Variants in HTR3C observed in about 807,000 individuals in gnomAD.
HTR3C encodes 5-HT3-C.
HTR3C carries 32 observed loss-of-function variants against 40.5 expected under a neutral mutation model. The observed-to-expected ratio is 0.79, with a 90% CI of 0.60 to 1.06. HTR3C has a LOEUF of 1.06. Ranked by LOEUF, HTR3C falls within the 50% of genes least tolerant of loss-of-function variation. The pLI, the probability that HTR3C is intolerant of heterozygous loss-of-function variation, is 0.00. For missense variants in HTR3C, 523 were observed against 556.8 expected (o/e 0.94, Z 0.61); for synonymous variants, 209 against 217.1 (o/e 0.96, Z 0.33).
intron 3 of HTR3C, 75 bp from the exon 4 acceptor site, chr3:184,056,102 G>C: frequency 1.1e-6 from 1 of 904,910 alleles, no homozygotes; most frequent in Middle Eastern, 2.2e-4. Flanking sequence ...GTTTAAAGAA[G>C]AATGGAAAGG....
rs1723402648 is a variant in HTR3C at position 184,059,620 on chromosome 3, C to A, written c.905C>A (p.Ala302Asp). ...FLLMMNDLLP[A>D]SGTPLISVYF... The stretch of plus-strand genomic sequence containing the variant: ...CTCATGATGAATGACTTGCTCCCTG[C>A]CAGTGGCACCCCCCTCATCAGTATG... The change falls in exon 7 of 9, where the codon GCC (alanine) becomes GAC (aspartate). Residue 302 changes from alanine to aspartate, a missense_variant. Transcript: ENST00000318351. The A allele has an allele frequency of 1.9e-6, 3 of 1,614,120 alleles. No individual in the cohort carries two copies. Among genetic ancestry groups the A allele is most frequent in the Non-Finnish European group, 2.5e-6 (3 of 1,180,016 alleles).
chr3:184,056,740 C>T (rs1723334713), intron 4 of HTR3C, 135 bp from the exon 5 acceptor site: 4 of 778,812 alleles, frequency 5.1e-6, no homozygotes, highest in Non-Finnish European at 7.6e-6. Flanking sequence ...AAGAGTGAAA[C>T]TGTCTCAAAA....
Position 184,060,437 on chromosome 3 carries a change from C to G in HTR3C, c.*85C>G. The G allele has an allele frequency of 6.5e-7, 1 of 1,529,556 alleles. No homozygotes were observed. The highest frequency in any genetic ancestry group is 9.0e-7 in the Non-Finnish European group (1 of 1,107,076). The allele number at this position is 1,529,556 out of a possible 1,614,324, so 94.7% of individuals were successfully genotyped here. A position where few individuals can be genotyped will look rare whatever the true frequency, so the allele number is the denominator to read the frequency against. On this transcript the variant is annotated 3_prime_UTR_variant, in exon 9 of 9. Transcript: ENST00000318351. ...CCGGACTCATTTTCCTAATCTTAGC[C>G]ACTTATCCCCAGTGACTACCATGTC...
intron 7 of HTR3C, 53 bp from the exon 8 acceptor site, chr3:184,059,775 G>T: frequency 6.2e-7 from 1 of 1,603,550 alleles, no homozygotes; most frequent in Non-Finnish European, 8.5e-7. Flanking sequence ...GAGGCGTGAG[G>T]AATGCTTAGA....
intron 4 of HTR3C, 34 bp downstream of exon 4, chr3:184,056,320 C>A: frequency 7.0e-7 from 1 of 1,436,164 alleles, no homozygotes; most frequent in Non-Finnish European, 9.8e-7. Flanking sequence ...CAGCGTGAAA[C>A]CTCATCTGCC....
In HTR3C at chr3:184,058,510, T is replaced by A. The variant is rs369359780; in HGVS notation, c.643T>A (p.Trp215Arg). 7.4e-6 allele frequency: 12 copies of A among 1,611,764 alleles called. No individual in the cohort carries two copies. The African/African-American group carries it at 1.6e-4, about 22-fold the overall frequency. Residue 215 changes from tryptophan (W) to arginine (R), a missense_variant, in exon 6 of 9, where the codon TGG becomes AGG. By Grantham distance (101) the Trp-to-Arg change is moderately radical. Coordinates refer to ENST00000318351, the MANE Select transcript of HTR3C (RefSeq NM_130770.3). ...CAAAGTCATCCAAACCCAGGGGGAG[T>A]GGGAGCTCTTGGGCATCAACAAGGC... ...SRKVIQTQGE[W>R]ELLGINKATP... is the part of the protein sequence containing the mutation.
At chr3:184,056,378 A>T (rs1723326466) in intron 4 of HTR3C, 92 bp downstream of exon 4, 1 of 817,414 alleles carries the variant, frequency 1.2e-6, no homozygotes, top group Admixed American at 1.8e-5. Context: ...CGAAAGATTC[A>T]GACAGGCACA....
chr3:184,055,786 T>A (rs1723310307), intron 3 of HTR3C, among the ~76,000 whole-genome samples: 1 of 149,294 alleles, frequency 6.7e-6, no homozygotes, highest in Admixed American at 6.8e-5. Context: ...AAGTATAACT[T>A]TTTCTGGGAT....
chr3:184,060,154 A>C lies in HTR3C; in HGVS notation c.1146A>C (p.Pro382=). 12 of 1,613,748 alleles carry C rather than the reference A, an allele frequency of 7.4e-6. No individual in the cohort carries two copies. Among genetic ancestry groups the C allele is most frequent in the Non-Finnish European group, 1.0e-5 (12 of 1,179,838 alleles). ...GAGCCTCTGTCCTCTCCACAGGCCC[A>C]AAGGAGCCGGGGGAGTTAGCAGGGA... The part of the protein sequence containing the change: ...LGLTLTHLPG[P]KEPGELAGKK... The change falls in exon 9 of 9, where the codon CCA becomes CCC. Residue 382 remains proline, a synonymous_variant. Coordinates refer to ENST00000318351, the MANE Select transcript of HTR3C (RefSeq NM_130770.3).
chr3:184,059,346 C>T, intron 6 of HTR3C, 90 bp from the exon 7 acceptor site: 8 of 1,200,408 alleles, frequency 6.7e-6, no homozygotes, highest in Non-Finnish European at 9.8e-6. Flanking sequence ...CCAGCAGCCT[C>T]ACAGCACATT....
At position 184,058,523 on chromosome 3, in the gene HTR3C, G is replaced by A. The variant is rs778772619; in HGVS notation, c.656G>A (p.Gly219Asp). 6.2e-7 allele frequency: 1 copy of A among 1,613,524 alleles called. No homozygotes were observed. Among genetic ancestry groups the A allele is most frequent in the Middle Eastern group, 1.7e-4 (1 of 6,060 alleles). Residue 219 changes from glycine to aspartate, a missense_variant, in exon 6 of 9, where the codon GGC becomes GAC. Gly to Asp is a moderately conservative substitution (Grantham distance 94). Coordinates refer to ENST00000318351, the MANE Select transcript of HTR3C (RefSeq NM_130770.3). ...ACCCAGGGGGAGTGGGAGCTCTTGG[G>A]CATCAACAAGGCCACCCCAAAGATG... is the stretch of plus-strand genomic sequence containing the variant. Reference protein sequence around the residue: ...IQTQGEWELLGINKATPKMSM... With the variant: ...IQTQGEWELLDINKATPKMSM...
At chr3:184,053,357 T>C (rs575030639) in intron 1 of HTR3C, among the ~76,000 whole-genome samples, 1 of 152,312 alleles carries the variant, frequency 6.6e-6, no homozygotes, top group South Asian at 2.1e-4. Context: ...CAGGGATCTA[T>C]CAAACTGTCT....
At chr3:184,057,934 A>G (rs1723362049) in intron 5 of HTR3C, among the ~76,000 whole-genome samples, 1 of 152,164 alleles carries the variant, frequency 6.6e-6, no homozygotes, top group South Asian at 2.1e-4. Flanking sequence ...CTGCACACCT[A>G]TAATTTTTAG....
In HTR3C at chr3:184,059,562, A is replaced by G. The variant is rs991389148; in HGVS notation, c.847A>G (p.Ile283Val). 1.2e-6 allele frequency: 2 copies of G among 1,613,946 alleles called. No individual in the cohort carries two copies. The highest frequency in any genetic ancestry group is 8.5e-7 in the Non-Finnish European group (1 of 1,180,026). The change falls in exon 7 of 9, where the codon ATA (isoleucine) becomes GTA (valine). Residue 283 changes from isoleucine (I) to valine (V), a missense_variant. Coordinates refer to ENST00000318351, the MANE Select transcript of HTR3C (RefSeq NM_130770.3). Reference protein sequence around the residue: ...AESENRAPFKITLLLGYNVFL... With the variant: ...AESENRAPFKVTLLLGYNVFL... ...GAGCGAGAATCGTGCCCCATTCAAG[A>G]TAACACTTCTGCTGGGCTACAACGT... is the stretch of plus-strand genomic sequence containing the variant.
intron 3 of HTR3C, 111 bp from the exon 4 acceptor site, chr3:184,056,066 T>A (rs1157013127): frequency 4.3e-6 from 3 of 693,226 alleles, no homozygotes; most frequent in Non-Finnish European, 7.7e-6. Context: ...GTTATTAGGG[T>A]CACAAATGGG....
At chr3:184,058,366 A>G in intron 5 of HTR3C, 61 bp from the exon 6 acceptor site, 1 of 1,490,176 alleles carries the variant, frequency 6.7e-7, no homozygotes. Context: ...GGAGGACTCC[A>G]ATTTCGTGGG....
chr3:184,055,724 C>T (rs2108971071), intron 3 of HTR3C, among the ~76,000 whole-genome samples: 1 of 151,224 alleles, frequency 6.6e-6, no homozygotes, highest in Middle Eastern at 3.4e-3. Flanking sequence ...CACACACACA[C>T]ACACACACAG....
Position 184,059,558 on chromosome 3 carries a change from CA to C in HTR3C, c.845del (p.Lys282ArgfsTer2), listed in dbSNP as rs773400594. 2.5e-6 allele frequency: 4 copies of C among 1,614,012 alleles called. No individual in the cohort carries two copies. The African/African-American group carries it at 5.3e-5, about 22-fold the overall frequency. On this transcript the variant is annotated frameshift_variant, in exon 7 of 9. Transcript: ENST00000318351. LOFTEE classifies it high-confidence loss of function. The stretch of plus-strand genomic sequence containing the variant: ...CAGAGAGCGAGAATCGTGCCCCATT[CA>C]AGATAACACTTCTGCTGGGCTACAA... ...PAESENRAPF[K>X]ITLLLGYNVF...
At chr3:184,055,884 C>CAAAAAAAAAAAAAAAAAAAA (rs71185686) in intron 3 of HTR3C, among the ~76,000 whole-genome samples, 1 of 30,704 alleles carries the variant, frequency 3.3e-5, no homozygotes, top group Non-Finnish European at 5.6e-5. Flanking sequence ...AATAGCAACT[C>CAAAAAAAAAAAAAAAAAAAA]AAAAAAAAAA....
Sources: gnomAD v4.1 joint callset for allele counts (sites outside exome capture counted in the v4.1 genomes callset) on GRCh38, gnomAD v4.1.1 for gene constraint, MANE v1.5 for transcripts, NCBI Gene and HGNC (gene_info 2026-07-23, HGNC 2026-07-21) for gene names.